NFATC3: variants seen among roughly 807,000 people sequenced by gnomAD.
NFATC3 encodes nuclear factor of activated T-cells, cytoplasmic 3.
NFATC3 carries 46 observed loss-of-function variants against 98.6 expected under a neutral mutation model. The ratio of observed to expected loss-of-function variants is 0.47; its 90% CI spans 0.37 to 0.60. The LOEUF (loss-of-function observed/expected upper bound fraction) is 0.60, where lower values mean the gene tolerates loss of function less well. Among genes scored for constraint, NFATC3 ranks in the 20% least tolerant of loss-of-function variants. NFATC3 has a pLI of 0.00. For missense variants in NFATC3, 1,256 were observed against 1,295.5 expected, an observed-to-expected ratio of 0.97 and a Z score of 0.47; for synonymous variants, 512 against 472.2, an observed-to-expected ratio of 1.08 and a Z score of -1.09.
chr16:68,178,917 C>T (rs75297764), intron 6 of NFATC3, among the ~76,000 whole-genome samples: 18,077 of 152,196 alleles, frequency 0.12, 1,215 homozygotes, highest in South Asian at 0.2. Flanking sequence ...TTTAAAAGCA[C>T]CTTCAGTGAT....
At chr16:68,225,888 C>T (rs1365950074) in intron 9 of NFATC3, 1 of 152,432 alleles carries the variant, frequency 6.6e-6, no homozygotes, top group Non-Finnish European at 1.5e-5. Context: ...GAAAAGATCA[C>T]AAACAACAGA....
At chr16:68,217,566 G>T in intron 9 of NFATC3, 1 of 1,071,238 alleles carries the variant, frequency 9.3e-7, no homozygotes, top group Non-Finnish European at 1.2e-6. Context: ...AATTATGGTG[G>T]TAAGTTTTAT....
At chr16:68,131,851 C>G (rs765314570) in intron 3 of NFATC3, among the ~76,000 whole-genome samples, 24 of 152,102 alleles carry the variant, frequency 1.6e-4, no homozygotes, top group Non-Finnish European at 3.4e-4. Flanking sequence ...CTTTCTCTCT[C>G]TCTCTGAGAA....
chr16:68,181,563 T>G, intron 7 of NFATC3, 33 bp downstream of exon 7: 1 of 1,417,546 alleles, frequency 7.1e-7, no homozygotes. Flanking sequence ...TAAGAAATAT[T>G]TAAGACACTG....
At chr16:68,155,967 G>A (rs944795403) in intron 3 of NFATC3, among the ~76,000 whole-genome samples, 1 of 152,102 alleles carries the variant, frequency 6.6e-6, no homozygotes, top group Non-Finnish European at 1.5e-5. Context: ...GGTGGATTCC[G>A]TATACATGAA....
intron 9 of NFATC3, among the ~76,000 whole-genome samples, chr16:68,198,575 A>G (rs2040768017): frequency 6.6e-6 from 1 of 152,176 alleles, no homozygotes; most frequent in East Asian, 1.9e-4. Flanking sequence ...CATTTTCTCC[A>G]TAGAGCCTTG....
At chr16:68,204,684 G>A (rs953865026) in intron 9 of NFATC3, among the ~76,000 whole-genome samples, 1 of 152,176 alleles carries the variant, frequency 6.6e-6, no homozygotes, top group Non-Finnish European at 1.5e-5. Context: ...AAAGACAATA[G>A]CATTGTAACT....
intron 9 of NFATC3, among the ~76,000 whole-genome samples, chr16:68,196,607 T>C (rs2040682149): frequency 6.6e-6 from 1 of 151,684 alleles, no homozygotes; most frequent in African/African-American, 2.4e-5. Flanking sequence ...GCAGGGAGAA[T>C]TGCTTGAACC....
At chr16:68,210,916 G>T (rs1316042590) in intron 9 of NFATC3, among the ~76,000 whole-genome samples, 1 of 151,886 alleles carries the variant, frequency 6.6e-6, no homozygotes, top group African/African-American at 2.4e-5. Flanking sequence ...CGAGTAGCTG[G>T]GACTACAAGT....
chr16:68,121,434 CA>C (rs1244475964), intron 1 of NFATC3, among the ~76,000 whole-genome samples: 1 of 150,974 alleles, frequency 6.6e-6, no homozygotes, highest in East Asian at 1.9e-4. Flanking sequence ...GTAATCCCAG[CA>C]CTTTGGGAGG....
chr16:68,172,625 A>T (rs1190433410), intron 5 of NFATC3, among the ~76,000 whole-genome samples: 3 of 151,574 alleles, frequency 2.0e-5, no homozygotes, highest in South Asian at 2.1e-4. Context: ...TACAAAAAAA[A>T]TTTTTTTTTA....
At chr16:68,203,838 A>G (rs1473979448) in intron 9 of NFATC3, among the ~76,000 whole-genome samples, 1 of 152,046 alleles carries the variant, frequency 6.6e-6, no homozygotes, top group Non-Finnish European at 1.5e-5. Context: ...ATCATTTGAC[A>G]TCAGGAGTTC....
At chr16:68,192,063 C>T (rs1193647430) in intron 9 of NFATC3, 1 of 277,930 alleles carries the variant, frequency 3.6e-6, no homozygotes, top group Non-Finnish European at 6.9e-6. Flanking sequence ...AAAAAATTAG[C>T]CAGGCATGGT....
At chr16:68,224,340 G>T (rs1440699556) in intron 9 of NFATC3, among the ~76,000 whole-genome samples, 5 of 143,192 alleles carry the variant, frequency 3.5e-5, no homozygotes, top group African/African-American at 1.3e-4. Flanking sequence ...GCAGTGGCAC[G>T]ATCTTGGCTC....
At chr16:68,125,137 TTTATC>T (rs1160964408) in intron 2 of NFATC3, among the ~76,000 whole-genome samples, 13 of 152,366 alleles carry the variant, frequency 8.5e-5, no homozygotes, top group Admixed American at 5.9e-4. Flanking sequence ...GCTTCTGAAA[TTTATC>T]TTAATTTTTC....
intron 3 of NFATC3, among the ~76,000 whole-genome samples, chr16:68,135,126 G>A (rs562297888): frequency 6.6e-6 from 1 of 152,086 alleles, no homozygotes; most frequent in Admixed American, 6.6e-5. Context: ...TGCCTTCAGA[G>A]TGCACAAGTG....
At chr16:68,098,285 A>G (rs1359011629) in intron 1 of NFATC3, among the ~76,000 whole-genome samples, 1 of 110,286 alleles carries the variant, frequency 9.1e-6, no homozygotes, top group Non-Finnish European at 1.8e-5. Context: ...TATTATTATT[A>G]TTATTATTAT....
In NFATC3 at chr16:68,183,332, A is replaced by G. The variant is rs1299588099; in HGVS notation, c.2064A>G (p.Lys688=). The G allele has an allele frequency of 1.9e-6, 3 of 1,613,704 alleles. No homozygotes were observed. Among genetic ancestry groups the G allele is most frequent in the Non-Finnish European group, 8.5e-7 (1 of 1,180,006 alleles). ...TTTATCTTTGCAATGGCAAGAGGAA[A>G]AAAAGCCAGTCTCAACGTTTTACTT... ...VHFYLCNGKR[K]KSQSQRFTYT... The change falls in exon 8 of 10, where the codon AAA becomes AAG. Residue 688 remains lysine, a synonymous_variant. Transcript: ENST00000346183.
At chr16:68,121,461 A>G (rs2036578823) in intron 1 of NFATC3, among the ~76,000 whole-genome samples, 1 of 151,366 alleles carries the variant, frequency 6.6e-6, no homozygotes, top group Non-Finnish European at 1.5e-5. Flanking sequence ...GTGGGAGGAT[A>G]GCTTGAGCCC....
Sources: allele counts gnomAD v4.1 joint callset (sites outside exome capture counted in the v4.1 genomes callset), GRCh38; gene constraint gnomAD v4.1.1; transcripts MANE v1.5; gene names NCBI Gene and HGNC (gene_info 2026-07-23, HGNC 2026-07-21).